The following MALRD1 variants were observed in gnomAD, a reference collection of about 807,000 sequenced individuals.
MALRD1 encodes the protein MAM and LDL receptor class A domain containing 1, also known as MAM and LDL-receptor class A domain-containing protein 1.
In MALRD1, 247 loss-of-function variants were observed where a neutral mutation model predicts 242.1. That is an observed-to-expected ratio of 1.02 (90% CI 0.92 to 1.13). MALRD1 has a LOEUF of 1.13. Among genes scored for constraint, MALRD1 ranks in the 50% most tolerant of loss-of-function variants. The probability of loss-of-function intolerance (pLI) is 0.00; values close to 1 mark genes in which losing one functional copy is unlikely to be tolerated. For missense variants in MALRD1, 2,989 were observed against 2,533.1 expected, an observed-to-expected ratio of 1.18 and a Z score of -3.86; for synonymous variants, 995 against 866.6, an observed-to-expected ratio of 1.15 and a Z score of -2.60.
chr10:19,675,682 A>G (rs1842108248), intron 36 of MALRD1, among the ~76,000 whole-genome samples: 1 of 152,252 alleles, frequency 6.6e-6, no homozygotes, highest in African/African-American at 2.4e-5. Flanking sequence ...GTGCTTTGTT[A>G]ACCGTAACAT....
chr10:19,347,749 T>G (rs2130982391), intron 24 of MALRD1, 22 bp from the exon 25 acceptor site: 1 of 1,548,806 alleles, frequency 6.5e-7, no homozygotes, highest in African/African-American at 1.4e-5. Flanking sequence ...TTCTGTAACA[T>G]ATATTTGGAA....
intron 36 of MALRD1, among the ~76,000 whole-genome samples, chr10:19,627,352 A>C (rs1289394019): frequency 6.6e-6 from 1 of 152,132 alleles, no homozygotes; most frequent in African/African-American, 2.4e-5. Flanking sequence ...AAACTTGATC[A>C]CATGGATGAT....
intron 5 of MALRD1, among the ~76,000 whole-genome samples, chr10:19,114,708 A>G (rs772160909): frequency 6.6e-5 from 10 of 152,178 alleles, no homozygotes; most frequent in Non-Finnish European, 8.8e-5. Context: ...CCTCAGGGCT[A>G]GTATATTAGT....
At chr10:19,680,534 C>T (rs552621770) in intron 36 of MALRD1, among the ~76,000 whole-genome samples, 10 of 152,084 alleles carry the variant, frequency 6.6e-5, no homozygotes, top group East Asian at 1.9e-4. Flanking sequence ...GTGTATCTTT[C>T]GATGTGAGAT....
chr10:19,538,793 A>G (rs1834798959), intron 32 of MALRD1, among the ~76,000 whole-genome samples: 1 of 146,308 alleles, frequency 6.8e-6, no homozygotes, highest in African/African-American at 2.6e-5. Context: ...TTGCTCATGA[A>G]AAAAAAAAGC....
chr10:19,476,134 A>C (rs10764033), intron 29 of MALRD1, among the ~76,000 whole-genome samples: 1 of 151,578 alleles, frequency 6.6e-6, no homozygotes, highest in African/African-American at 2.4e-5. Flanking sequence ...TGAAGAAACA[A>C]TTGTGGAAGC....
intron 38 of MALRD1, among the ~76,000 whole-genome samples, chr10:19,729,874 C>T (rs1835212811): frequency 1.3e-5 from 2 of 151,030 alleles, no homozygotes; most frequent in African/African-American, 2.4e-5. Context: ...GTAGCTGGGA[C>T]TACAGGCGCC....
chr10:19,365,286 C>T (rs1818756544), intron 26 of MALRD1, among the ~76,000 whole-genome samples: 1 of 151,946 alleles, frequency 6.6e-6, no homozygotes. Context: ...CTAAGAAATG[C>T]TTTTAGTGAT....
intron 33 of MALRD1, among the ~76,000 whole-genome samples, chr10:19,588,334 T>G (rs1243329496): frequency 2.6e-5 from 4 of 152,228 alleles, no homozygotes; most frequent in Non-Finnish European, 5.9e-5. Flanking sequence ...TATTCATCAA[T>G]GTCAGAAATA....
intron 5 of MALRD1, among the ~76,000 whole-genome samples, chr10:19,112,450 G>T (rs142233171): frequency 6.6e-6 from 1 of 152,224 alleles, no homozygotes; most frequent in African/African-American, 2.4e-5. Flanking sequence ...AGGCAAGTTT[G>T]CTTAAATCAC....
rs374588757 is a variant in MALRD1 at position 19,299,487 on chromosome 10, A to G, written c.3419+16306A>G. Among the ~76,000 whole-genome samples the G allele has an allele frequency of 2.6e-5, 4 of 152,126 alleles. No individual in the cohort carries two copies. In the East Asian group the frequency reaches 7.8e-4, roughly 30 times the overall value. On this transcript the variant is annotated intron_variant, in intron 21 of 39. Coordinates refer to ENST00000454679, the MANE Select transcript of MALRD1 (RefSeq NM_001142308.3). ...ACAAGAATCTATAACTATCCTAATT[A>G]TATATGCATCCAATACTGGAGCACC...
intron 1 of MALRD1, among the ~76,000 whole-genome samples, chr10:19,049,617 G>C (rs1276180245): frequency 6.6e-6 from 1 of 152,150 alleles, no homozygotes; most frequent in African/African-American, 2.4e-5. Context: ...TACAACTCTG[G>C]CTTTTGTCCT....
chr10:19,260,105 GTTTAGT>G (rs1367633791), intron 19 of MALRD1, among the ~76,000 whole-genome samples: 2 of 152,132 alleles, frequency 1.3e-5, no homozygotes, highest in African/African-American at 4.8e-5. Flanking sequence ...ATATATTTTA[GTTTAGT>G]TTTAGTATTA....
intron 11 of MALRD1, among the ~76,000 whole-genome samples, chr10:19,149,117 T>TATC (rs1226151720): frequency 1.3e-5 from 2 of 151,792 alleles, no homozygotes; most frequent in East Asian, 1.9e-4. Context: ...TCTATCTATC[T>TATC]ATCTATCTAA....
chr10:19,186,175 T>C (rs1161390100), intron 14 of MALRD1, among the ~76,000 whole-genome samples: 1 of 152,162 alleles, frequency 6.6e-6, no homozygotes, highest in African/African-American at 2.4e-5. Context: ...AAAAAGGCTA[T>C]CTAGTTATTT....
chr10:19,515,394 G>A (rs556747312), intron 31 of MALRD1, among the ~76,000 whole-genome samples: 1 of 152,090 alleles, frequency 6.6e-6, no homozygotes, highest in South Asian at 2.1e-4. Flanking sequence ...GTATGACACA[G>A]AACATGTGTA....
intron 28 of MALRD1, among the ~76,000 whole-genome samples, chr10:19,392,391 T>C (rs907912402): frequency 6.6e-6 from 1 of 152,034 alleles, no homozygotes; most frequent in Non-Finnish European, 1.5e-5. Flanking sequence ...AATATTGAAA[T>C]GAAGATCCCC....
intron 14 of MALRD1, among the ~76,000 whole-genome samples, chr10:19,195,875 C>T (rs1428296174): frequency 6.6e-6 from 1 of 152,124 alleles, no homozygotes; most frequent in Non-Finnish European, 1.5e-5. Context: ...CAGTCCATTC[C>T]TTCCCCCGCC....
At chr10:19,726,660 G>T (rs1418721329) in intron 38 of MALRD1, among the ~76,000 whole-genome samples, 1 of 152,092 alleles carries the variant, frequency 6.6e-6, no homozygotes, top group Non-Finnish European at 1.5e-5. Flanking sequence ...GTTCCCCATA[G>T]CAGTATTCAC....
Sources: allele counts gnomAD v4.1 joint callset (sites outside exome capture counted in the v4.1 genomes callset), GRCh38; gene constraint gnomAD v4.1.1; transcripts MANE v1.5; gene names NCBI Gene and HGNC (gene_info 2026-07-23, HGNC 2026-07-21).